DPP6: variants seen among roughly 807,000 people sequenced by gnomAD.
DPP6 encodes dipeptidyl peptidase like 6.
In DPP6, 69 loss-of-function variants were observed where a neutral mutation model predicts 122.6. The observed-to-expected ratio is 0.56, with a 90% confidence interval of 0.46 to 0.69. The LOEUF (loss-of-function observed/expected upper bound fraction) is 0.69. Ranked by LOEUF, DPP6 falls within the 30% of genes least tolerant of loss-of-function variation. The pLI, the probability that DPP6 is intolerant of heterozygous loss-of-function variation, is 0.00. For synonymous variants in DPP6, 418 were observed against 433.1 expected, an observed-to-expected ratio of 0.97 and a Z score of 0.43; for missense variants, 928 against 1,116.9, an observed-to-expected ratio of 0.83 and a Z score of 2.41.
chr7:154,420,400 C>T (rs1459447927), intron 1 of DPP6, among the ~76,000 whole-genome samples: 3 of 152,160 alleles, frequency 2.0e-5, no homozygotes, highest in Admixed American at 6.5e-5. Flanking sequence ...TCAAATAAGC[C>T]AGTCACGGAG....
intron 1 of DPP6, among the ~76,000 whole-genome samples, chr7:154,147,454 CTT>C (rs2150675664): frequency 1.3e-5 from 1 of 74,502 alleles, no homozygotes; most frequent in South Asian, 5.7e-4. Flanking sequence ...CATTTCCTTC[CTT>C]CCTTCCTTCC....
the DPP6 span, among the ~76,000 whole-genome samples, chr7:153,824,546 G>C: frequency 6.6e-6 from 1 of 151,906 alleles, no homozygotes; most frequent in African/African-American, 2.4e-5. Flanking sequence ...AATTAACCAG[G>C]CATGGTGGGC....
chr7:153,903,025 T>G (rs1799703474), intron 1 of DPP6, among the ~76,000 whole-genome samples: 3 of 152,104 alleles, frequency 2.0e-5, no homozygotes, highest in Non-Finnish European at 4.4e-5. Flanking sequence ...AGACACCCAG[T>G]AAGAGGAACT....
chr7:154,230,646 A>G (rs577308184), intron 1 of DPP6, among the ~76,000 whole-genome samples: 1 of 152,340 alleles, frequency 6.6e-6, no homozygotes, highest in East Asian at 1.9e-4. Context: ...GGGCTAGCCC[A>G]AAAGCTGTCT....
chr7:154,642,444 G>A (rs777329057), intron 6 of DPP6, among the ~76,000 whole-genome samples: 1 of 151,820 alleles, frequency 6.6e-6, no homozygotes, highest in African/African-American at 2.4e-5. Context: ...TACAAAATTA[G>A]CTGGGCATGG....
intron 16 of DPP6, chr7:154,838,357 C>G (rs1335943346): frequency 1.3e-5 from 2 of 152,180 alleles, no homozygotes; most frequent in Non-Finnish European, 2.9e-5. Context: ...ATGGAAATAG[C>G]GGCTTCTCAA....
chr7:154,416,673 C>T (rs993380692), intron 1 of DPP6, among the ~76,000 whole-genome samples: 5 of 48,972 alleles, frequency 1.0e-4, no homozygotes, highest in Admixed American at 3.0e-4. Context: ...GTGTATTCTC[C>T]CCCACCAAGG....
At chr7:153,929,252 G>A (rs896679398) in intron 1 of DPP6, among the ~76,000 whole-genome samples, 4 of 152,086 alleles carry the variant, frequency 2.6e-5, no homozygotes, top group Non-Finnish European at 5.9e-5. Flanking sequence ...GTGGTGATCA[G>A]ATATGAAAAA....
At chr7:153,802,749 C>T in the DPP6 span, among the ~76,000 whole-genome samples, 1 of 152,196 alleles carries the variant, frequency 6.6e-6, no homozygotes, top group East Asian at 1.9e-4. Context: ...TTGTGTCACT[C>T]ATTGAAAAAG....
intron 1 of DPP6, among the ~76,000 whole-genome samples, chr7:154,442,251 GC>G (rs11350702): frequency 0.018 from 2,693 of 152,134 alleles, 31 homozygotes; most frequent in Non-Finnish European, 0.022. Flanking sequence ...TAAGTAGTTT[GC>G]CCCCCTGGTA....
At chr7:154,035,116 T>C (rs1445163383) in intron 1 of DPP6, among the ~76,000 whole-genome samples, 3 of 152,220 alleles carry the variant, frequency 2.0e-5, no homozygotes, top group Non-Finnish European at 4.4e-5. Context: ...TTAAGGGTCT[T>C]CCCTAAGCTC....
chr7:154,418,221 T>A (rs1817187564), intron 1 of DPP6, among the ~76,000 whole-genome samples: 1 of 152,226 alleles, frequency 6.6e-6, no homozygotes, highest in African/African-American at 2.4e-5. Context: ...CCACCAGCCC[T>A]GTTCCAAATC....
At chr7:154,123,002 A>G (rs1480960313) in intron 1 of DPP6, among the ~76,000 whole-genome samples, 1 of 152,108 alleles carries the variant, frequency 6.6e-6, no homozygotes, top group African/African-American at 2.4e-5. Flanking sequence ...AGCCAGGGAC[A>G]GATCCTCGGG....
At chr7:154,158,749 C>T (rs1027450777) in intron 1 of DPP6, among the ~76,000 whole-genome samples, 3 of 151,960 alleles carry the variant, frequency 2.0e-5, no homozygotes, top group South Asian at 4.1e-4. Context: ...GATTAAGCAG[C>T]GAGTCAGCTT....
intron 1 of DPP6, among the ~76,000 whole-genome samples, chr7:154,296,756 G>A (rs531844905): frequency 2.0e-5 from 3 of 152,364 alleles, no homozygotes; most frequent in Admixed American, 6.5e-5. Context: ...AACTGTAAGT[G>A]ATAGTGGGTA....
intron 1 of DPP6, among the ~76,000 whole-genome samples, chr7:154,249,065 A>T (rs1449112326): frequency 1.3e-5 from 2 of 152,256 alleles, no homozygotes; most frequent in Admixed American, 1.3e-4. Context: ...AGCCATAGAT[A>T]AGAATCTGGG....
the DPP6 span, among the ~76,000 whole-genome samples, chr7:153,773,264 C>T: frequency 9.1e-5 from 12 of 132,444 alleles, no homozygotes; most frequent in South Asian, 2.6e-4. Flanking sequence ...TCTTTTCTTT[C>T]GTGTGTGTGT....
At chr7:154,092,232 CTCTT>C in intron 1 of DPP6, 1 of 152,342 alleles carries the variant, frequency 6.6e-6, no homozygotes, top group East Asian at 1.9e-4. Context: ...ATTATTTTCT[CTCTT>C]TCTGTATTTA....
chr7:154,284,958 T>A (rs1277819927), intron 1 of DPP6, among the ~76,000 whole-genome samples: 1 of 152,174 alleles, frequency 6.6e-6, no homozygotes, highest in Non-Finnish European at 1.5e-5. Context: ...CTAGGTTAGC[T>A]AACCTCATAG....
Sources: gnomAD v4.1 joint callset for allele counts (sites outside exome capture counted in the v4.1 genomes callset) on GRCh38, gnomAD v4.1.1 for gene constraint, MANE v1.5 for transcripts, NCBI Gene and HGNC (gene_info 2026-07-23, HGNC 2026-07-21) for gene names.